The following OPCML variants were observed in gnomAD, a reference collection of about 807,000 sequenced individuals.
The protein encoded by OPCML is opioid binding protein/cell adhesion molecule like, also known as opioid-binding protein/cell adhesion molecule.
A neutral mutation model predicts 37.8 loss-of-function variants in OPCML; 13 were observed. The ratio of observed to expected loss-of-function variants is 0.34; its 90% CI spans 0.22 to 0.55. The LOEUF (loss-of-function observed/expected upper bound fraction) is 0.55, where lower values mean the gene tolerates loss of function less well. Ranked by LOEUF, OPCML falls within the 20% of genes least tolerant of loss-of-function variation. OPCML has a pLI of 0.91. For missense variants in OPCML, 341 were observed against 435.6 expected (o/e 0.78, Z 1.93); for synonymous variants, 176 against 168.8 (o/e 1.04, Z -0.33).
chr11:133,054,033 C>T (rs1433955528), intron 1 of OPCML, among the ~76,000 whole-genome samples: 1 of 152,186 alleles, frequency 6.6e-6, no homozygotes, highest in Non-Finnish European at 1.5e-5. Flanking sequence ...GGCTAAAACC[C>T]TAGATGTCAT....
At chr11:132,738,091 A>G (rs1591538020) in intron 2 of OPCML, among the ~76,000 whole-genome samples, 1 of 152,204 alleles carries the variant, frequency 6.6e-6, no homozygotes, top group African/African-American at 2.4e-5. Context: ...GGTAGGGAGC[A>G]TGCACTGAGA....
At chr11:132,913,016 G>A (rs1944480322) in intron 2 of OPCML, among the ~76,000 whole-genome samples, 1 of 152,240 alleles carries the variant, frequency 6.6e-6, no homozygotes, top group South Asian at 2.1e-4. Context: ...TAGAGTTGGA[G>A]TTGCCTGGAG....
chr11:132,477,550 A>T (rs1443403654), intron 4 of OPCML, among the ~76,000 whole-genome samples: 2 of 152,224 alleles, frequency 1.3e-5, no homozygotes, highest in African/African-American at 4.8e-5. Context: ...GGAACAGTCA[A>T]GATATGGCTA....
chr11:133,077,613 A>G (rs558148678), intron 1 of OPCML, among the ~76,000 whole-genome samples: 1 of 152,362 alleles, frequency 6.6e-6, no homozygotes, highest in African/African-American at 2.4e-5. Flanking sequence ...TGACAGAATT[A>G]AGAATTTCTA....
chr11:132,616,572 T>C (rs1340945595), intron 3 of OPCML, among the ~76,000 whole-genome samples: 5 of 152,252 alleles, frequency 3.3e-5, no homozygotes. Flanking sequence ...ATTTCTGCTC[T>C]AATGTTCTAG....
chr11:132,479,387 C>T (rs902798056), intron 4 of OPCML, among the ~76,000 whole-genome samples: 1 of 152,204 alleles, frequency 6.6e-6, no homozygotes, highest in African/African-American at 2.4e-5. Context: ...CCCACGGAAT[C>T]TCGCTGATTG....
intron 4 of OPCML, among the ~76,000 whole-genome samples, chr11:132,516,841 A>G (rs148007412): frequency 3.3e-5 from 5 of 152,210 alleles, no homozygotes; most frequent in East Asian, 1.9e-4. Flanking sequence ...TAATTACTCT[A>G]TGACTCAGAC....
rs1592146634 is a variant in OPCML at position 132,419,356 on chromosome 11, G to T, written c.*837C>A. ...ATGGTGAGATAAATCAGATATTTGA[G>T]TAGATGGGTAACTGTACCATTACTT... On this transcript the variant is annotated 3_prime_UTR_variant, in exon 8 of 8. Coordinates refer to ENST00000524381, the MANE Select transcript of OPCML (RefSeq NM_001012393.5). 6.6e-6 allele frequency: 1 copy of T among 152,336 alleles called. No individual in the cohort carries two copies. The highest frequency in any genetic ancestry group is 1.9e-4 in the East Asian group (1 of 5,186). 9.4% of individuals were successfully genotyped at this position (152,336 alleles called of 1,614,324 possible).
chr11:132,595,397 G>T (rs766048381), intron 3 of OPCML, among the ~76,000 whole-genome samples: 7 of 152,130 alleles, frequency 4.6e-5, no homozygotes, highest in Non-Finnish European at 1.0e-4. Context: ...AAATCTGTGG[G>T]CAAGTTATTA....
chr11:133,117,378 C>T (rs1009538755), intron 1 of OPCML, among the ~76,000 whole-genome samples: 2 of 152,112 alleles, frequency 1.3e-5, no homozygotes, highest in African/African-American at 4.8e-5. Flanking sequence ...TTGAGGAGAA[C>T]CTGTGATGGA....
intron 3 of OPCML, among the ~76,000 whole-genome samples, chr11:132,536,205 G>T (rs2096340448): frequency 6.6e-6 from 1 of 152,130 alleles, no homozygotes; most frequent in South Asian, 2.1e-4. Flanking sequence ...TAACTGCAAG[G>T]GCAGCCTTTC....
At chr11:133,160,362 C>T (rs1950125730) in intron 1 of OPCML, among the ~76,000 whole-genome samples, 1 of 152,118 alleles carries the variant, frequency 6.6e-6, no homozygotes, top group East Asian at 1.9e-4. Context: ...AATTCCTGCC[C>T]CAGGAATAGC....
chr11:132,958,911 T>C (rs1022216257), intron 1 of OPCML, among the ~76,000 whole-genome samples: 5 of 152,252 alleles, frequency 3.3e-5, no homozygotes, highest in Admixed American at 1.3e-4. Context: ...AATGTTGTTT[T>C]CATGCCTGCT....
chr11:133,204,888 A>ATATATATAT (rs1555114230), intron 1 of OPCML, among the ~76,000 whole-genome samples: 1 of 129,154 alleles, frequency 7.7e-6, no homozygotes, highest in East Asian at 2.7e-4. Context: ...ATATATATAT[A>ATATATATAT]TATATATATA....
chr11:132,617,336 A>G (rs1451531360), intron 3 of OPCML, among the ~76,000 whole-genome samples: 2 of 152,214 alleles, frequency 1.3e-5, no homozygotes, highest in Non-Finnish European at 2.9e-5. Flanking sequence ...GCAAGAGTTA[A>G]ACTACACAAT....
rs759103179 is a variant in OPCML at position 132,482,401 on chromosome 11, C to T, written c.506-45042G>A. On this transcript the variant is annotated intron_variant, in intron 4 of 7. Coordinates refer to ENST00000524381, the MANE Select transcript of OPCML (RefSeq NM_001012393.5). Reference sequence around the variant, plus strand: ...GTTGAATCTCAGAATAGACCAATAACAGGATCTGAAATTGTGGCAATAATC... The same window carrying T: ...GTTGAATCTCAGAATAGACCAATAATAGGATCTGAAATTGTGGCAATAATC... Among the ~76,000 whole-genome samples the T allele has an allele frequency of 8.2e-3, 1,242 of 151,832 alleles. 6 individuals are homozygous for T. Among genetic ancestry groups the T allele is most frequent in the Non-Finnish European group, 0.013 (852 of 67,978 alleles).
intron 1 of OPCML, among the ~76,000 whole-genome samples, chr11:133,152,985 A>C (rs1456073050): frequency 6.6e-6 from 1 of 152,062 alleles, no homozygotes; most frequent in Non-Finnish European, 1.5e-5. Context: ...GCGAGGGAGC[A>C]GTCTCCACAG....
intron 1 of OPCML, among the ~76,000 whole-genome samples, chr11:132,993,886 G>T (rs1278100568): frequency 6.6e-6 from 1 of 152,026 alleles, no homozygotes; most frequent in Non-Finnish European, 1.5e-5. Context: ...TTCTACCTCT[G>T]GGTATGGGCA....
intron 1 of OPCML, among the ~76,000 whole-genome samples, chr11:133,121,081 T>C (rs1247384465): frequency 6.6e-6 from 1 of 152,042 alleles, no homozygotes; most frequent in East Asian, 1.9e-4. Context: ...TGTCACCATG[T>C]CTGGCTAATT....
Sources: allele counts gnomAD v4.1 joint callset (sites outside exome capture counted in the v4.1 genomes callset), GRCh38; gene constraint gnomAD v4.1.1; transcripts MANE v1.5; gene names NCBI Gene and HGNC (gene_info 2026-07-23, HGNC 2026-07-21).